The following SORCS3 variants were observed in gnomAD, a reference collection of about 807,000 sequenced individuals.
SORCS3 encodes VPS10 domain-containing receptor SorCS3.
Under a neutral mutation model 146.3 loss-of-function variants are expected in SORCS3, and 57 were observed. That is an observed-to-expected ratio of 0.39 (90% CI 0.31 to 0.49). The LOEUF (loss-of-function observed/expected upper bound fraction) is 0.49. Ranked by LOEUF, SORCS3 falls within the 20% of genes least tolerant of loss-of-function variation. The pLI, the probability that SORCS3 is intolerant of heterozygous loss-of-function variation, is 0.92. For synonymous variants in SORCS3, 653 were observed against 618.5 expected (o/e 1.06, Z -0.83); for missense variants, 1,341 against 1,575.5 (o/e 0.85, Z 2.52).
chr10:104,724,891 AG>A, intron 1 of SORCS3, among the ~76,000 whole-genome samples: 1 of 152,158 alleles, frequency 6.6e-6, no homozygotes, highest in Middle Eastern at 3.4e-3. Flanking sequence ...TTTTTTTTCA[AG>A]GTATTTAACT....
intron 4 of SORCS3, among the ~76,000 whole-genome samples, chr10:105,038,861 C>A (rs1015349374): frequency 6.6e-6 from 1 of 152,128 alleles, no homozygotes; most frequent in Admixed American, 6.5e-5. Context: ...TGTTTTATTT[C>A]TATTTTAATG....
chr10:104,689,029 G>C lies in SORCS3; in HGVS notation c.627+47075G>C, dbSNP rs191075103. On this transcript the variant is annotated intron_variant, in intron 1 of 26. Coordinates refer to ENST00000369701, the MANE Select transcript of SORCS3 (RefSeq NM_014978.3). ...CCTCTTACTCAGTTAACACCCTGCTGCTCCACCTACTTAGGGCACTCACAC... is the reference window on the plus strand; with the variant it reads ...CCTCTTACTCAGTTAACACCCTGCTCCTCCACCTACTTAGGGCACTCACAC... Among the ~76,000 whole-genome samples, 5 of 152,304 alleles carry C rather than the reference G, an allele frequency of 3.3e-5. No homozygotes were observed. The East Asian group carries it at 5.8e-4, about 18-fold the overall frequency.
At position 105,253,013 on chromosome 10, in the gene SORCS3, C is replaced by T. The variant is rs1446693847; in HGVS notation, c.3237+107C>T. 6.7e-6 allele frequency: 9 copies of T among 1,337,234 alleles called. No homozygotes were observed. The Admixed American group carries it at 1.9e-4, about 29-fold the overall frequency. The allele number at this position is 1,337,234 out of a possible 1,614,324, so 82.8% of individuals were successfully genotyped here. A position where few individuals can be genotyped will look rare whatever the true frequency, so the allele number is the denominator to read the frequency against. On this transcript the variant is annotated intron_variant, in intron 23 of 26. Transcript: ENST00000369701. ...GGAGACAGGCTCTCTTCCATTACCC[C>T]AACAGCCAAGGTTTTGAAGAGCAAT...
At chr10:105,119,215 C>T (rs1382436638) in intron 7 of SORCS3, among the ~76,000 whole-genome samples, 2 of 152,170 alleles carry the variant, frequency 1.3e-5, no homozygotes, top group East Asian at 3.9e-4. Context: ...AAGTCTCAAG[C>T]CTTGGTGGCT....
intron 2 of SORCS3, among the ~76,000 whole-genome samples, chr10:104,882,551 A>G (rs772619040): frequency 1.3e-5 from 2 of 152,198 alleles, no homozygotes; most frequent in Non-Finnish European, 2.9e-5. Flanking sequence ...AGAATTCTAC[A>G]GAATCATTTT....
intron 1 of SORCS3, among the ~76,000 whole-genome samples, chr10:104,841,467 G>A (rs1025438879): frequency 1.3e-5 from 2 of 152,046 alleles, no homozygotes; most frequent in African/African-American, 2.4e-5. Flanking sequence ...ATTCCTCATC[G>A]CAGAGAAATT....
chr10:104,752,353 T>A (rs2016998640), intron 1 of SORCS3, among the ~76,000 whole-genome samples: 1 of 152,052 alleles, frequency 6.6e-6, no homozygotes, highest in Non-Finnish European at 1.5e-5. Context: ...TATTTTTTTG[T>A]GATAAGGAAA....
Position 104,789,404 on chromosome 10 carries a change from C to T in SORCS3, c.628-53388C>T, listed in dbSNP as rs575712917. 1.6e-4 allele frequency among the ~76,000 whole-genome samples: 24 copies of T among 152,258 alleles called. 1 individual carries two copies. The South Asian group carries it at 5.0e-3, about 32-fold the overall frequency. Reference sequence around the variant, plus strand: ...CTATTTGCGTCTGAGTGCATTTAGCCTCAAGGTCCTTAAAAGGCATCTTGT... The same window carrying T: ...CTATTTGCGTCTGAGTGCATTTAGCTTCAAGGTCCTTAAAAGGCATCTTGT... On this transcript the variant is annotated intron_variant, in intron 1 of 26. Coordinates refer to ENST00000369701, the MANE Select transcript of SORCS3 (RefSeq NM_014978.3).
intron 3 of SORCS3, among the ~76,000 whole-genome samples, chr10:104,931,152 G>C (rs12241411): frequency 0.28 from 42,158 of 152,076 alleles, 7,532 homozygotes; most frequent in African/African-American, 0.51. Flanking sequence ...TCATTAAATT[G>C]ATGAAGAAAC....
intron 6 of SORCS3, among the ~76,000 whole-genome samples, chr10:105,094,931 A>T (rs1359371302): frequency 2.0e-5 from 3 of 152,158 alleles, no homozygotes; most frequent in African/African-American, 7.2e-5. Flanking sequence ...TCTATGAGGG[A>T]ACAGGTAGGT....
intron 1 of SORCS3, among the ~76,000 whole-genome samples, chr10:104,735,956 A>G (rs1342525804): frequency 2.0e-5 from 3 of 152,106 alleles, no homozygotes; most frequent in African/African-American, 7.2e-5. Context: ...GTGACGCCAA[A>G]TGTCTGAATC....
chr10:105,186,771 C>G (rs1381913201), intron 14 of SORCS3, among the ~76,000 whole-genome samples: 1 of 151,548 alleles, frequency 6.6e-6, no homozygotes, highest in African/African-American at 2.4e-5. Context: ...GTAATCTCAG[C>G]TACTTGGGAG....
At chr10:104,992,672 T>C (rs1359408135) in intron 4 of SORCS3, among the ~76,000 whole-genome samples, 1 of 152,196 alleles carries the variant, frequency 6.6e-6, no homozygotes, top group Admixed American at 6.5e-5. Context: ...AAATGTGTCT[T>C]CCTATTTCAC....
In SORCS3 at chr10:104,738,373, G is replaced by A. The variant is rs17117599; in HGVS notation, c.627+96419G>A. Among the ~76,000 whole-genome samples, 768 of 151,874 alleles carry A rather than the reference G, an allele frequency of 5.1e-3. 8 individuals carry two copies. The highest frequency in any genetic ancestry group is 0.018 in the African/African-American group (748 of 41,384). The stretch of plus-strand genomic sequence containing the variant: ...CCACATATCCATGACATTTTATATC[G>A]ATCCAGCCGAGGCACTTTCCAGAAA... On this transcript the variant is annotated intron_variant, in intron 1 of 26. Transcript: ENST00000369701.
intron 1 of SORCS3, among the ~76,000 whole-genome samples, chr10:104,746,264 G>T (rs536112479): frequency 8.6e-5 from 13 of 151,564 alleles, no homozygotes; most frequent in Non-Finnish European, 1.9e-4. Flanking sequence ...AGCCTCCCCA[G>T]TAGCTGGGAC....
chr10:104,940,917 C>T (rs1589558730), intron 3 of SORCS3, among the ~76,000 whole-genome samples: 1 of 152,126 alleles, frequency 6.6e-6, no homozygotes, highest in Admixed American at 6.6e-5. Context: ...CAAAAAAGAG[C>T]CCTCATTGCC....
chr10:105,108,131 G>T (rs2055835662), intron 7 of SORCS3, among the ~76,000 whole-genome samples: 1 of 152,126 alleles, frequency 6.6e-6, no homozygotes, highest in African/African-American at 2.4e-5. Context: ...AGCTATAAAG[G>T]TATTGCTGTT....
At position 105,242,647 on chromosome 10, in the gene SORCS3, TATTTATATAC is replaced by T. The variant is rs2056838275; in HGVS notation, c.2869-2885_2869-2876del. On this transcript the variant is annotated intron_variant, in intron 20 of 26. Transcript: ENST00000369701. ...ATATATTTATATACATTTATATATA[TATTTATATAC>T]ATTTATATATATTTATATATATTTA... Among the ~76,000 whole-genome samples the T allele has an allele frequency of 3.2e-5, 3 of 94,632 alleles. No homozygotes were observed. The South Asian group carries it at 1.1e-3, about 35-fold the overall frequency. 62.1% of individuals were successfully genotyped at this position (94,632 alleles called of 152,430 possible).
intron 4 of SORCS3, among the ~76,000 whole-genome samples, chr10:105,008,856 A>G (rs1162604828): frequency 5.9e-5 from 9 of 152,190 alleles, no homozygotes; most frequent in Non-Finnish European, 1.3e-4. Context: ...CATGTTTCCC[A>G]GGCTGGTCTT....
Sources: allele counts gnomAD v4.1 joint callset (sites outside exome capture counted in the v4.1 genomes callset), GRCh38; gene constraint gnomAD v4.1.1; transcripts MANE v1.5; gene names NCBI Gene and HGNC (gene_info 2026-07-23, HGNC 2026-07-21).